Variants in RIC1 observed in about 807,000 individuals in gnomAD.
RIC1 encodes the protein guanine nucleotide exchange factor subunit RIC1.
A neutral mutation model predicts 169.0 loss-of-function variants in RIC1; 88 were observed. The ratio of observed to expected loss-of-function variants is 0.52; its 90% confidence interval spans 0.44 to 0.62. RIC1 has a LOEUF of 0.62. Ranked by LOEUF, RIC1 falls within the 20% of genes least tolerant of loss-of-function variation. RIC1 has a pLI of 0.00. For missense variants in RIC1, 1,877 were observed against 1,725.5 expected (o/e 1.09, Z -1.56); for synonymous variants, 790 against 601.5 (o/e 1.31, Z -4.59).
intron 25 of RIC1, 102 bp from the exon 26 acceptor site, chr9:5,773,856 G>A (rs933268004): frequency 3.2e-5 from 36 of 1,111,264 alleles, no homozygotes; most frequent in Admixed American, 7.6e-5. Flanking sequence ...CTAATCTATC[G>A]TCGTCTTTAC....
At chr9:5,641,633 GAC>G (rs200410586) in intron 1 of RIC1, among the ~76,000 whole-genome samples, 6 of 145,090 alleles carry the variant, frequency 4.1e-5, no homozygotes, top group African/African-American at 8.4e-5. Context: ...GGTCTCCTCT[GAC>G]TATATTGTCA....
At chr9:5,678,637 A>G (rs1487124896) in intron 2 of RIC1, among the ~76,000 whole-genome samples, 1 of 152,252 alleles carries the variant, frequency 6.6e-6, no homozygotes, top group East Asian at 1.9e-4. Context: ...TTGGCTGCAT[A>G]AATGTCTTCT....
intron 2 of RIC1, among the ~76,000 whole-genome samples, chr9:5,678,761 T>A (rs1177334702): frequency 6.6e-6 from 1 of 152,174 alleles, no homozygotes; most frequent in African/African-American, 2.4e-5. Context: ...GTCAGATGAG[T>A]AGGTTGCAAA....
chr9:5,696,616 A>G (rs569939516), intron 3 of RIC1, among the ~76,000 whole-genome samples: 2 of 152,266 alleles, frequency 1.3e-5, no homozygotes, highest in South Asian at 4.2e-4. Context: ...AAAATCCAAC[A>G]ATGAGAGATC....
At chr9:5,752,031 T>C (rs746302625) in intron 12 of RIC1, among the ~76,000 whole-genome samples, 1 of 152,216 alleles carries the variant, frequency 6.6e-6, no homozygotes, top group Non-Finnish European at 1.5e-5. Flanking sequence ...CTGTTAATTC[T>C]CGCCCCACTC....
chr9:5,726,650 G>A lies in RIC1; in HGVS notation c.721-5738G>A, dbSNP rs1277523143. Among the ~76,000 whole-genome samples, 94 of 152,264 alleles carry A rather than the reference G, an allele frequency of 6.2e-4. 1 individual carries two copies. The highest frequency in any genetic ancestry group is 5.5e-4 in the African/African-American group (23 of 41,566). Reference sequence around the variant, plus strand: ...GTTGATGCAGTTTCTTCCTAGCATCGATGGTCTTTACAATTTGGCATGTTT... The same window carrying A: ...GTTGATGCAGTTTCTTCCTAGCATCAATGGTCTTTACAATTTGGCATGTTT... On this transcript the variant is annotated intron_variant, in intron 6 of 25. Coordinates refer to ENST00000414202, the MANE Select transcript of RIC1 (RefSeq NM_020829.4).
In RIC1 at chr9:5,747,555, C is replaced by T. The variant is rs779224853; in HGVS notation, c.1452+50C>T. ...AGAGACTTATTCTTTGATAGGATAT[C>T]ACCTGGAACAGATTATTAAATATTT... On this transcript the variant is annotated intron_variant, in intron 12 of 25. Coordinates refer to ENST00000414202, the MANE Select transcript of RIC1 (RefSeq NM_020829.4). 7.0e-6 allele frequency: 10 copies of T among 1,429,256 alleles called. No individual in the cohort carries two copies. In the South Asian group the frequency reaches 1.2e-4, roughly 17 times the overall value. 88.5% of individuals were successfully genotyped at this position (1,429,256 alleles called of 1,614,324 possible).
chr9:5,686,155 A>C (rs1821206130), intron 2 of RIC1, among the ~76,000 whole-genome samples: 1 of 151,336 alleles, frequency 6.6e-6, no homozygotes, highest in Non-Finnish European at 1.5e-5. Context: ...GTGGAGAAAT[A>C]GGAACAGTTT....
At chr9:5,743,165 T>G in intron 9 of RIC1, 152 bp downstream of exon 9, 5 of 660,302 alleles carry the variant, frequency 7.6e-6, no homozygotes, top group Non-Finnish European at 1.3e-5. Flanking sequence ...ATATACTGAT[T>G]CTCTGAACAT....
rs562062935 is a variant in RIC1, at chr9:5,689,263, G to A, written c.253-696G>A. On this transcript the variant is annotated intron_variant, in intron 2 of 25. Transcript: ENST00000414202. ...AGACAGGGTTTCACCACGTTAGCCA[G>A]AATGGTCTTGATCTCCTGACCTCGT... Among the ~76,000 whole-genome samples, 6 of 152,082 alleles carry A rather than the reference G, an allele frequency of 3.9e-5. 1 individual carries two copies. The East Asian group carries it at 1.2e-3, about 29-fold the overall frequency.
chr9:5,737,500 T>G (rs935460428), intron 7 of RIC1, among the ~76,000 whole-genome samples: 9 of 152,062 alleles, frequency 5.9e-5, no homozygotes, highest in African/African-American at 2.2e-4. Context: ...TAACTCTTTG[T>G]TGTATTTTTA....
intron 14 of RIC1, among the ~76,000 whole-genome samples, chr9:5,754,529 G>A (rs955634477): frequency 6.6e-6 from 1 of 152,126 alleles, no homozygotes; most frequent in African/African-American, 2.4e-5. Context: ...GGGAGTCCAA[G>A]ACCAGCCTGG....
At chr9:5,636,930 G>C (rs1448691987) in intron 1 of RIC1, among the ~76,000 whole-genome samples, 1 of 152,058 alleles carries the variant, frequency 6.6e-6, no homozygotes, top group Non-Finnish European at 1.5e-5. Flanking sequence ...CAAGGAAGAT[G>C]TTTAATAAAC....
At chr9:5,728,258 C>G (rs904447986) in intron 6 of RIC1, among the ~76,000 whole-genome samples, 2 of 152,244 alleles carry the variant, frequency 1.3e-5, no homozygotes, top group Admixed American at 6.5e-5. Context: ...CACCCCTCCC[C>G]CAGCTTCGCT....
At position 5,757,392 on chromosome 9, in the gene RIC1, T is replaced by G. The variant is rs1826072957; in HGVS notation, c.1933T>G (p.Ser645Ala). 1 of 1,613,986 alleles carries G rather than the reference T, an allele frequency of 6.2e-7. No individual in the cohort carries two copies. The highest frequency in any genetic ancestry group is 1.7e-5 in the Admixed American group (1 of 60,008). ...RYIPHPFLVV[S>A]VTLTSVSTEN... ...CATTCCTCACCCTTTCCTGGTGGTATCTGTCACTCTGACATCAGTGAGTAC... is the reference window on the plus strand; with the variant it reads ...CATTCCTCACCCTTTCCTGGTGGTAGCTGTCACTCTGACATCAGTGAGTAC... Residue 645 changes from serine to alanine, a missense_variant, in exon 17 of 26, where the codon TCT becomes GCT. Physicochemically the swap from Ser to Ala is moderately conservative, Grantham distance 99. Transcript: ENST00000414202.
At chr9:5,737,726 A>G (rs1451910224) in intron 7 of RIC1, among the ~76,000 whole-genome samples, 3 of 151,674 alleles carry the variant, frequency 2.0e-5, no homozygotes, top group Non-Finnish European at 4.4e-5. Context: ...TTTAACTACT[A>G]ATAGCATACT....
chr9:5,716,964 C>G (rs1823285712), intron 4 of RIC1, among the ~76,000 whole-genome samples: 1 of 152,216 alleles, frequency 6.6e-6, no homozygotes, highest in Non-Finnish European at 1.5e-5. Flanking sequence ...AGCCACCACG[C>G]CTGGCTCAGC....
In RIC1 at chr9:5,726,700, C is replaced by G. The variant is rs191446380; in HGVS notation, c.721-5688C>G. On this transcript the variant is annotated intron_variant, in intron 6 of 25. Coordinates refer to ENST00000414202, the MANE Select transcript of RIC1 (RefSeq NM_020829.4). Reference sequence around the variant, plus strand: ...TTTGCAGTGGCTGGTACCAGTTGTTCCTTTCCATATTTAGTGCTTCCTTCA... The same window carrying G: ...TTTGCAGTGGCTGGTACCAGTTGTTGCTTTCCATATTTAGTGCTTCCTTCA... Among the ~76,000 whole-genome samples the G allele has an allele frequency of 1.6e-3, 243 of 152,254 alleles. 1 individual carries two copies. The highest frequency in any genetic ancestry group is 6.8e-3 in the Middle Eastern group (2 of 294).
At chr9:5,742,721 C>T in intron 8 of RIC1, 148 bp from the exon 9 acceptor site, 2 of 711,424 alleles carry the variant, frequency 2.8e-6, no homozygotes, top group Non-Finnish European at 4.5e-6. Context: ...TTTAAGTAGT[C>T]CTAAATGACC....
Sources: allele counts gnomAD v4.1 joint callset (sites outside exome capture counted in the v4.1 genomes callset), GRCh38; gene constraint gnomAD v4.1.1; transcripts MANE v1.5; gene names NCBI Gene and HGNC (gene_info 2026-07-23, HGNC 2026-07-21).